Variants in LRRC8B observed in about 807,000 individuals in gnomAD.
The protein encoded by LRRC8B is leucine rich repeat containing 8 VRAC subunit B.
Under a neutral mutation model 58.8 loss-of-function variants are expected in LRRC8B, and 23 were observed. That is an observed-to-expected ratio of 0.39 (90% CI 0.28 to 0.55). The LOEUF (loss-of-function observed/expected upper bound fraction) is 0.55, where lower values mean the gene tolerates loss of function less well. LRRC8B is among the 20% of genes least tolerant of loss of function. The probability of loss-of-function intolerance (pLI) is 0.62; values close to 1 mark genes in which losing one functional copy is unlikely to be tolerated. For synonymous variants in LRRC8B, 359 were observed against 374.1 expected (o/e 0.96, Z 0.47); for missense variants, 694 against 936.0 (o/e 0.74, Z 3.37).
rs1416708105 is a variant in LRRC8B, at chr1:89,596,494, T to C, written c.*3451T>C. On this transcript the variant is annotated 3_prime_UTR_variant, in exon 6 of 6. Transcript: ENST00000330947. ...AAATTTTTTTTCGGTTCAAGTGTTTTGTGATTAAAATTTTATGTTTAATTA... is the reference window on the plus strand; with the variant it reads ...AAATTTTTTTTCGGTTCAAGTGTTTCGTGATTAAAATTTTATGTTTAATTA... The C allele has an allele frequency of 2.0e-5, 3 of 152,142 alleles. No homozygotes were observed. The highest frequency in any genetic ancestry group is 4.4e-5 in the Non-Finnish European group (3 of 67,994). 9.4% of individuals were successfully genotyped at this position (152,142 alleles called of 1,614,324 possible).
intron 5 of LRRC8B, among the ~76,000 whole-genome samples, chr1:89,588,862 G>A (rs1310381213): frequency 6.6e-6 from 1 of 152,176 alleles, no homozygotes; most frequent in Non-Finnish European, 1.5e-5. Flanking sequence ...CCCACTGCCT[G>A]TTTTTATACA....
rs181385054 is a variant in LRRC8B at position 89,594,429 on chromosome 1, A to G, written c.*1386A>G. On this transcript the variant is annotated 3_prime_UTR_variant, in exon 6 of 6. Transcript: ENST00000330947. ...CGGGTAAAATTCTTAATTACTTACAAAAACTGTGATAGAGGGGAGAGGTAC... is the reference window on the plus strand; with the variant it reads ...CGGGTAAAATTCTTAATTACTTACAGAAACTGTGATAGAGGGGAGAGGTAC... The G allele has an allele frequency of 8.5e-5, 13 of 152,322 alleles. No homozygotes were observed. The highest frequency in any genetic ancestry group is 2.9e-4 in the African/African-American group (12 of 41,582). 9.4% of individuals were successfully genotyped at this position (152,322 alleles called of 1,614,324 possible). A position where few individuals can be genotyped will look rare whatever the true frequency, so the allele number is the denominator to read the frequency against.
intron 1 of LRRC8B, among the ~76,000 whole-genome samples, chr1:89,532,622 C>G (rs1033291463): frequency 2.0e-5 from 3 of 152,162 alleles, no homozygotes; most frequent in Admixed American, 6.5e-5. Context: ...GAGATGCCTT[C>G]CATCATGATT....
intron 1 of LRRC8B, among the ~76,000 whole-genome samples, chr1:89,528,536 G>A (rs1649871539): frequency 6.6e-6 from 1 of 152,200 alleles, no homozygotes; most frequent in Non-Finnish European, 1.5e-5. Context: ...TGAACTCTGT[G>A]CCATCACTTT....
chr1:89,529,543 GA>G (rs1200771210), intron 1 of LRRC8B, among the ~76,000 whole-genome samples: 22 of 151,948 alleles, frequency 1.4e-4, no homozygotes, highest in African/African-American at 4.1e-4. Context: ...AGAATTGAAA[GA>G]AAAAAAGTAT....
chr1:89,562,308 CA>C (rs772307767), intron 1 of LRRC8B, among the ~76,000 whole-genome samples: 96 of 152,144 alleles, frequency 6.3e-4, no homozygotes, highest in South Asian at 2.1e-3. Flanking sequence ...AGAAGATTAA[CA>C]GGAGGATCAA....
Position 89,593,204 on chromosome 1 carries a change from A to G in LRRC8B, c.*161A>G, listed in dbSNP as rs779168392. ...AGTCTGGCCAACCTGGTGAAACCCCATCTCTGCTAAAACTACAAAAAAATT... is the reference window on the plus strand; with the variant it reads ...AGTCTGGCCAACCTGGTGAAACCCCGTCTCTGCTAAAACTACAAAAAAATT... On this transcript the variant is annotated 3_prime_UTR_variant, in exon 6 of 6. Transcript: ENST00000330947. 2 of 639,954 alleles carry G rather than the reference A, an allele frequency of 3.1e-6. No homozygotes were observed. Among genetic ancestry groups the G allele is most frequent in the Non-Finnish European group, 5.3e-6 (2 of 377,326 alleles). The allele number at this position is 639,954 out of a possible 1,614,324, so 39.6% of individuals were successfully genotyped here.
rs1412637899 is a variant in LRRC8B at position 89,595,646 on chromosome 1, G to T, written c.*2603G>T. 6.6e-6 allele frequency: 1 copy of T among 152,084 alleles called. No homozygotes were observed. Among genetic ancestry groups the T allele is most frequent in the Admixed American group, 6.6e-5 (1 of 15,264 alleles). 9.4% of individuals were successfully genotyped at this position (152,084 alleles called of 1,614,324 possible). On this transcript the variant is annotated 3_prime_UTR_variant, in exon 6 of 6. Coordinates refer to ENST00000330947, the MANE Select transcript of LRRC8B (RefSeq NM_001369817.2). ...AATCTATGTTGTTCTTGATGCCATGGTTTTACATCTTTTAATTTAAACCTT... is the reference window on the plus strand; with the variant it reads ...AATCTATGTTGTTCTTGATGCCATGTTTTTACATCTTTTAATTTAAACCTT...
intron 5 of LRRC8B, 84 bp downstream of exon 5, chr1:89,584,873 A>G (rs1273684808): frequency 3.1e-6 from 3 of 979,298 alleles, no homozygotes; most frequent in Non-Finnish European, 4.6e-6. Flanking sequence ...ACTTCAAATC[A>G]TACTGTGTGT....
chr1:89,546,098 GT>G (rs1651386241), intron 1 of LRRC8B, among the ~76,000 whole-genome samples: 1 of 152,026 alleles, frequency 6.6e-6, no homozygotes, highest in Non-Finnish European at 1.5e-5. Context: ...TATATTATGT[GT>G]TTTTTGAACA....
At position 89,596,253 on chromosome 1, in the gene LRRC8B, A is replaced by G. The variant is rs1265677350; in HGVS notation, c.*3210A>G. ...TAGTGTTCTTTTCCTAACTTACATC[A>G]GGGTACATCTGTGTGGCACACAGAT... On this transcript the variant is annotated 3_prime_UTR_variant, in exon 6 of 6. Transcript: ENST00000330947. The G allele has an allele frequency of 1.3e-5, 2 of 152,106 alleles. No individual in the cohort carries two copies. Among genetic ancestry groups the G allele is most frequent in the Non-Finnish European group, 2.9e-5 (2 of 67,962 alleles). 9.4% of individuals were successfully genotyped at this position (152,106 alleles called of 1,614,324 possible). A position where few individuals can be genotyped will look rare whatever the true frequency, so the allele number is the denominator to read the frequency against.
intron 5 of LRRC8B, among the ~76,000 whole-genome samples, chr1:89,590,470 C>G (rs369767948): frequency 2.0e-5 from 3 of 152,236 alleles, no homozygotes; most frequent in African/African-American, 7.2e-5. Context: ...GATGGACTCT[C>G]GCACATAGCC....
Position 89,583,166 on chromosome 1 carries a change from A to G in LRRC8B, c.516A>G (p.Thr172=). The stretch of plus-strand genomic sequence containing the variant: ...GGACCACCCGCGCCCTTTCAGAAAC[A>G]GTGGCTGAGCAGTCAGTGAGGCCTC... ...SPWTTRALSE[T]VAEQSVRPLK... The change falls in exon 5 of 6, where the codon ACA becomes ACG. Residue 172 remains threonine, a synonymous_variant. Transcript: ENST00000330947. The surrounding 1 kb of genome is among the most constrained non-coding windows in gnomAD (Gnocchi z 5.2). 1.2e-6 allele frequency: 2 copies of G among 1,614,196 alleles called. No homozygotes were observed. The highest frequency in any genetic ancestry group is 1.7e-6 in the Non-Finnish European group (2 of 1,180,040).
chr1:89,589,609 A>G (rs1046606133), intron 5 of LRRC8B, among the ~76,000 whole-genome samples: 2 of 151,512 alleles, frequency 1.3e-5, no homozygotes, highest in Admixed American at 6.6e-5. Context: ...CAGAAGGTGA[A>G]TAATGTAGAA....
At chr1:89,540,118 G>A (rs12743681) in intron 1 of LRRC8B, among the ~76,000 whole-genome samples, 28,777 of 152,078 alleles carry the variant, frequency 0.19, 3,136 homozygotes, top group Admixed American at 0.3. Flanking sequence ...AAGTGTTCCA[G>A]CTACTCAATT....
intron 5 of LRRC8B, among the ~76,000 whole-genome samples, chr1:89,585,803 C>T (rs912432754): frequency 6.6e-6 from 1 of 151,362 alleles, no homozygotes; most frequent in African/African-American, 2.4e-5. Context: ...GAGCGAGACT[C>T]TGTCTCAAAA....
chr1:89,591,234 C>G (rs1226960977), intron 5 of LRRC8B, among the ~76,000 whole-genome samples: 2 of 152,220 alleles, frequency 1.3e-5, no homozygotes, highest in African/African-American at 4.8e-5. Flanking sequence ...TGAGTCATTT[C>G]ATAGGCACCA....
chr1:89,559,667 TACAC>T (rs1193875265), intron 1 of LRRC8B, among the ~76,000 whole-genome samples: 6 of 150,336 alleles, frequency 4.0e-5, no homozygotes, highest in South Asian at 2.1e-4. Context: ...TGTACACACA[TACAC>T]ACACCCACAC....
At chr1:89,544,529 CAG>C (rs1192773458) in intron 1 of LRRC8B, among the ~76,000 whole-genome samples, 1 of 152,164 alleles carries the variant, frequency 6.6e-6, no homozygotes, top group African/African-American at 2.4e-5. Context: ...CTAGATTATT[CAG>C]AGTTTTACAA....
Sources: allele counts gnomAD v4.1 joint callset (sites outside exome capture counted in the v4.1 genomes callset), GRCh38; gene constraint gnomAD v4.1.1; non-coding constraint Gnocchi (gnomAD v3.1); transcripts MANE v1.5; gene names NCBI Gene and HGNC (gene_info 2026-07-23, HGNC 2026-07-21).